XAF1: variants seen among roughly 807,000 people sequenced by gnomAD.
XAF1 encodes XIAP associated factor 1.
Under a neutral mutation model 32.3 loss-of-function variants are expected in XAF1, and 32 were observed. The ratio of observed to expected loss-of-function variants is 0.99; its 90% confidence interval spans 0.75 to 1.33. XAF1 has a LOEUF of 1.33. Among genes scored for constraint, XAF1 ranks in the 40% most tolerant of loss-of-function variants. The probability of loss-of-function intolerance (pLI) is 0.00; values close to 1 mark genes in which losing one functional copy is unlikely to be tolerated. For missense variants in XAF1, 379 were observed against 366.0 expected (o/e 1.04, Z -0.29); for synonymous variants, 120 against 125.9 (o/e 0.95, Z 0.31).
intron 3 of XAF1, 151 bp downstream of exon 3, chr17:6,759,869 C>T (rs1008391225): frequency 1.5e-6 from 2 of 1,299,598 alleles, no homozygotes; most frequent in African/African-American, 1.5e-5. Flanking sequence ...AACTAGCCCA[C>T]CGCATAACAC....
In XAF1 at chr17:6,760,503, G is replaced by A. The variant is rs148910934; in HGVS notation, c.323G>A (p.Arg108Gln). 276 of 1,613,370 alleles carry A rather than the reference G, an allele frequency of 1.7e-4. 1 individual carries two copies. The African/African-American group carries it at 3.3e-3, about 19-fold the overall frequency. ...CTCCACGAGTCCTACTGTGGCAGCC[G>A]GACAGAGCTCTGCCAAGGCTGTGGC... ...LELHESYCGS[R>Q]TELCQGCGQF... Residue 108 changes from arginine to glutamine, a missense_variant, in exon 4 of 7, where the codon CGG becomes CAG. Physicochemically the swap from Arg to Gln is conservative, Grantham distance 43. Coordinates refer to ENST00000361842, the MANE Select transcript of XAF1 (RefSeq NM_017523.5).
chr17:6,771,859 A>G (rs1976058699), intron 6 of XAF1: 7 of 152,220 alleles, frequency 4.6e-5, no homozygotes, highest in Admixed American at 4.6e-4. Flanking sequence ...ACCCTGAGAT[A>G]CCACTTTGGA....
chr17:6,770,566 G>A, intron 5 of XAF1, 77 bp from the exon 6 acceptor site: 1 of 1,203,374 alleles, frequency 8.3e-7, no homozygotes. Context: ...AATTTCTTGT[G>A]TTATCTAGTC....
In XAF1 at chr17:6,769,003, T is replaced by G. The variant is rs191533430; in HGVS notation, c.508-1640T>G. Reference sequence around the variant, plus strand: ...AACTCTCCTTCTGGAACATAACACATGTATATTAAGCATTCTCATTCTAGC... The same window carrying G: ...AACTCTCCTTCTGGAACATAACACAGGTATATTAAGCATTCTCATTCTAGC... On this transcript the variant is annotated intron_variant, in intron 5 of 6. Coordinates refer to ENST00000361842, the MANE Select transcript of XAF1 (RefSeq NM_017523.5). Among the ~76,000 whole-genome samples, 49 of 152,160 alleles carry G rather than the reference T, an allele frequency of 3.2e-4. 1 individual carries two copies. The highest frequency in any genetic ancestry group is 3.1e-3 in the Admixed American group (48 of 15,280).
In XAF1 at chr17:6,773,290, A is replaced by T; in HGVS notation, c.*121A>T. 3.4e-6 allele frequency: 3 copies of T among 889,584 alleles called. No individual in the cohort carries two copies. The highest frequency in any genetic ancestry group is 3.3e-6 in the Non-Finnish European group (2 of 614,792). The allele number at this position is 889,584 out of a possible 1,614,324, so 55.1% of individuals were successfully genotyped here. On this transcript the variant is annotated 3_prime_UTR_variant, in exon 7 of 7. Coordinates refer to ENST00000361842, the MANE Select transcript of XAF1 (RefSeq NM_017523.5). ...GGTTTTATTCGTTGGGCTTTAAAAG[A>T]AAAGGTTTGGCAGAACTAAAAACAA...
chr17:6,758,331 C>T lies in XAF1; in HGVS notation c.168+107C>T, dbSNP rs147281133. On this transcript the variant is annotated intron_variant, in intron 2 of 6. Coordinates refer to ENST00000361842, the MANE Select transcript of XAF1 (RefSeq NM_017523.5). Reference sequence around the variant, plus strand: ...GTTGGGGGACGAGGGTCTAGTCCTCCCTGCAGGTGAGATGGGGTCTGGGAG... The same window carrying T: ...GTTGGGGGACGAGGGTCTAGTCCTCTCTGCAGGTGAGATGGGGTCTGGGAG... 537 of 1,480,540 alleles carry T rather than the reference C, an allele frequency of 3.6e-4. 6 individuals carry two copies. The African/African-American group carries it at 7.1e-3, about 20-fold the overall frequency. The allele number at this position is 1,480,540 out of a possible 1,614,324, so 91.7% of individuals were successfully genotyped here.
At chr17:6,768,722 T>C (rs1254049863) in intron 5 of XAF1, among the ~76,000 whole-genome samples, 3 of 152,264 alleles carry the variant, frequency 2.0e-5, no homozygotes, top group Non-Finnish European at 4.4e-5. Context: ...TCCAGCCTAA[T>C]TGCCATTCCT....
chr17:6,773,050 T>C, intron 6 of XAF1, 63 bp from the exon 7 acceptor site: 3 of 1,393,168 alleles, frequency 2.2e-6, no homozygotes, highest in East Asian at 2.3e-5. Context: ...TATCCAGAGA[T>C]ATTCTAGGAG....
In XAF1 at chr17:6,758,437, A is replaced by C. The variant is rs1296394224; in HGVS notation, c.168+213A>C. Reference sequence around the variant, plus strand: ...GAGTGTTCAGTCCTCTCTGCAGGTGAGATGGGGTCTGAGAGTCAAGGCAAG... The same window carrying C: ...GAGTGTTCAGTCCTCTCTGCAGGTGCGATGGGGTCTGAGAGTCAAGGCAAG... On this transcript the variant is annotated intron_variant, in intron 2 of 6. Coordinates refer to ENST00000361842, the MANE Select transcript of XAF1 (RefSeq NM_017523.5). The C allele has an allele frequency of 8.7e-6, 6 of 687,624 alleles. No individual in the cohort carries two copies. The Middle Eastern group carries it at 1.2e-3, about 135-fold the overall frequency. The allele number at this position is 687,624 out of a possible 1,614,324, so 42.6% of individuals were successfully genotyped here. A position where few individuals can be genotyped will look rare whatever the true frequency, so the allele number is the denominator to read the frequency against.
At chr17:6,758,507 C>T in intron 2 of XAF1, 1 of 412,716 alleles carries the variant, frequency 2.4e-6, no homozygotes, top group South Asian at 2.2e-5. Context: ...GGAGTCAAGG[C>T]GAGTGTTCAG....
At chr17:6,769,836 T>C (rs963164893) in intron 5 of XAF1, among the ~76,000 whole-genome samples, 1 of 152,226 alleles carries the variant, frequency 6.6e-6, no homozygotes, top group Non-Finnish European at 1.5e-5. Flanking sequence ...CCTGTGATTT[T>C]GAGTTTTCAG....
chr17:6,771,848 T>A (rs1045549461), intron 6 of XAF1: 3 of 152,200 alleles, frequency 2.0e-5, no homozygotes, highest in African/African-American at 7.2e-5. Context: ...CCCAACCCCA[T>A]ACCCTGAGAT....
chr17:6,771,892 A>G (rs566868174), intron 6 of XAF1: 1 of 152,110 alleles, frequency 6.6e-6, no homozygotes, highest in Non-Finnish European at 1.5e-5. Context: ...CATCTTTTCA[A>G]AGCTCTACCT....
At chr17:6,769,262 T>C (rs974604030) in intron 5 of XAF1, among the ~76,000 whole-genome samples, 3 of 152,130 alleles carry the variant, frequency 2.0e-5, no homozygotes, top group African/African-American at 7.2e-5. Flanking sequence ...GTTCAATTTA[T>C]CTTTCTTTCA....
chr17:6,762,254 AG>A lies in XAF1; in HGVS notation c.507+15del. ...TTCCACCATATGGTGAGTAGCACTTAGTAATTTTCTAATGGTGCCAATAGTT... is the reference window on the plus strand; with the variant it reads ...TTCCACCATATGGTGAGTAGCACTTATAATTTTCTAATGGTGCCAATAGTT... On this transcript the variant is annotated intron_variant, in intron 5 of 6. Coordinates refer to ENST00000361842, the MANE Select transcript of XAF1 (RefSeq NM_017523.5). 1 of 1,589,082 alleles carries A rather than the reference AG, an allele frequency of 6.3e-7. No homozygotes were observed. The highest frequency in any genetic ancestry group is 1.1e-5 in the South Asian group (1 of 87,434).
intron 1 of XAF1, among the ~76,000 whole-genome samples, chr17:6,756,975 T>G (rs905970638): frequency 6.9e-6 from 1 of 144,416 alleles, no homozygotes; most frequent in Non-Finnish European, 1.5e-5. Flanking sequence ...AAAGGAGTCA[T>G]TTCTTTCTTT....
Position 6,760,416 on chromosome 17 carries a change from G to A in XAF1, c.236G>A (p.Cys79Tyr). Reference protein sequence around the residue: ...SSLEFHKANECQERPVECKFC... With the variant: ...SSLEFHKANEYQERPVECKFC... ...TGCTGCCTCCCACAGGCCAATGAGT[G>A]CCAGGAGCGCCCTGTTGAGTGTAAG... The change falls in exon 4 of 7, where the codon TGC becomes TAC. Residue 79 changes from cysteine to tyrosine, a missense_variant. By Grantham distance (194) the Cys-to-Tyr change is radical. Coordinates refer to ENST00000361842, the MANE Select transcript of XAF1 (RefSeq NM_017523.5). The A allele has an allele frequency of 5.6e-6, 9 of 1,611,028 alleles. No individual in the cohort carries two copies. The highest frequency in any genetic ancestry group is 5.1e-6 in the Non-Finnish European group (6 of 1,179,072).
chr17:6,767,366 T>C (rs771951440), intron 5 of XAF1, among the ~76,000 whole-genome samples: 4 of 152,184 alleles, frequency 2.6e-5, no homozygotes, highest in African/African-American at 7.2e-5. Flanking sequence ...AAGGCAAAGG[T>C]TGATTTCTTT....
chr17:6,763,036 G>T (rs1438378969), intron 5 of XAF1, among the ~76,000 whole-genome samples: 1 of 152,248 alleles, frequency 6.6e-6, no homozygotes, highest in Admixed American at 6.5e-5. Flanking sequence ...GAGACATTTG[G>T]TACATTCACA....
Sources: allele counts gnomAD v4.1 joint callset (sites outside exome capture counted in the v4.1 genomes callset), GRCh38; gene constraint gnomAD v4.1.1; transcripts MANE v1.5; gene names NCBI Gene and HGNC (gene_info 2026-07-23, HGNC 2026-07-21).